The following RASGRF2 variants were observed in gnomAD, a reference collection of about 807,000 sequenced individuals.
RASGRF2 encodes Ras protein specific guanine nucleotide releasing factor 2, also known as ras-specific guanine nucleotide-releasing factor 2.
A neutral mutation model predicts 151.0 loss-of-function variants in RASGRF2; 76 were observed. The observed-to-expected ratio is 0.50, with a 90% confidence interval of 0.42 to 0.61. The LOEUF is 0.61. Among genes scored for constraint, RASGRF2 ranks in the 20% least tolerant of loss-of-function variants. RASGRF2 has a pLI of 0.00. For synonymous variants in RASGRF2, 504 were observed against 566.5 expected (o/e 0.89, Z 1.57); for missense variants, 1,148 against 1,564.6 (o/e 0.73, Z 4.49).
At chr5:81,010,503 G>T (rs553542705) in intron 1 of RASGRF2, among the ~76,000 whole-genome samples, 40 of 152,324 alleles carry the variant, frequency 2.6e-4, no homozygotes, top group Middle Eastern at 6.8e-3. Flanking sequence ...GAGTTCGAGA[G>T]AAGTTTTGCT....
intron 22 of RASGRF2, among the ~76,000 whole-genome samples, chr5:81,210,960 A>G (rs572079556): frequency 7.2e-5 from 11 of 152,126 alleles, no homozygotes; most frequent in Non-Finnish European, 1.3e-4. Context: ...AGCCTGGGCA[A>G]CATAGTGAGA....
chr5:81,152,070 C>T (rs978142122), intron 17 of RASGRF2, among the ~76,000 whole-genome samples: 5 of 152,156 alleles, frequency 3.3e-5, no homozygotes, highest in African/African-American at 9.6e-5. Context: ...GGCACGATCT[C>T]GGCTCACTGC....
At chr5:81,189,953 C>G (rs940201713) in intron 18 of RASGRF2, among the ~76,000 whole-genome samples, 1 of 152,200 alleles carries the variant, frequency 6.6e-6, no homozygotes, top group Middle Eastern at 3.4e-3. Context: ...ACCTTGTGAT[C>G]CACCCGCCTC....
intron 17 of RASGRF2, among the ~76,000 whole-genome samples, chr5:81,152,071 G>A (rs923925376): frequency 2.0e-5 from 3 of 151,934 alleles, no homozygotes; most frequent in African/African-American, 4.8e-5. Flanking sequence ...GCACGATCTC[G>A]GCTCACTGCA....
intron 17 of RASGRF2, among the ~76,000 whole-genome samples, chr5:81,143,406 C>T (rs1026132972): frequency 1.3e-5 from 2 of 151,994 alleles, no homozygotes; most frequent in South Asian, 2.1e-4. Flanking sequence ...CCTTGGCCTC[C>T]CAAAGTGCTG....
chr5:81,092,685 ACATAAAT>A (rs1383425909), intron 9 of RASGRF2, 109 bp from the exon 10 acceptor site: 2 of 923,600 alleles, frequency 2.2e-6, no homozygotes, highest in East Asian at 4.8e-5. Flanking sequence ...ATGATGTGTC[ACATAAAT>A]CAATCCCTGG....
At chr5:81,195,106 T>C (rs1377766694) in intron 18 of RASGRF2, among the ~76,000 whole-genome samples, 1 of 152,218 alleles carries the variant, frequency 6.6e-6, no homozygotes, top group African/African-American at 2.4e-5. Context: ...ATGGATTCGC[T>C]CTCCTGGCGC....
At chr5:81,197,538 C>A (rs1478510838) in intron 18 of RASGRF2, among the ~76,000 whole-genome samples, 1 of 142,702 alleles carries the variant, frequency 7.0e-6, no homozygotes, top group Non-Finnish European at 1.5e-5. Flanking sequence ...AACTGAGGTA[C>A]AAAAATACTA....
At chr5:81,125,013 G>A (rs1753414041) in intron 16 of RASGRF2, among the ~76,000 whole-genome samples, 1 of 151,882 alleles carries the variant, frequency 6.6e-6, no homozygotes, top group Non-Finnish European at 1.5e-5. Context: ...TCAGCCTCCC[G>A]AGTAGCCAGG....
chr5:81,002,990 A>G (rs1354122987), intron 1 of RASGRF2, among the ~76,000 whole-genome samples: 3 of 152,146 alleles, frequency 2.0e-5, no homozygotes, highest in African/African-American at 7.2e-5. Flanking sequence ...AATTTGGTCA[A>G]AGTAATTAAT....
intron 5 of RASGRF2, among the ~76,000 whole-genome samples, chr5:81,077,079 G>C (rs1751961014): frequency 6.6e-6 from 1 of 152,194 alleles, no homozygotes; most frequent in Non-Finnish European, 1.5e-5. Flanking sequence ...AAAGAAAGTA[G>C]TGCTGGTATG....
intron 17 of RASGRF2, among the ~76,000 whole-genome samples, chr5:81,166,365 T>A (rs12186554): frequency 0.59 from 90,075 of 151,686 alleles, 29,042 homozygotes; most frequent in East Asian, 0.79. Flanking sequence ...TTTTTGTATT[T>A]TTAGTAGAGA....
rs573260729 is a variant in RASGRF2 at position 81,037,145 on chromosome 5, G to A, written c.289-5732G>A. Among the ~76,000 whole-genome samples, 5 of 152,250 alleles carry A rather than the reference G, an allele frequency of 3.3e-5. No individual in the cohort carries two copies. The South Asian group carries it at 1.0e-3, about 32-fold the overall frequency. On this transcript the variant is annotated intron_variant, in intron 1 of 26. Coordinates refer to ENST00000265080, the MANE Select transcript of RASGRF2 (RefSeq NM_006909.3). Reference sequence around the variant, plus strand: ...CTATCATGAGAACAGTATGGGAGAAGCCACCCCCATGATTCAATTATCTCT... The same window carrying A: ...CTATCATGAGAACAGTATGGGAGAAACCACCCCCATGATTCAATTATCTCT...
chr5:81,140,010 G>A (rs1345261362), intron 17 of RASGRF2, among the ~76,000 whole-genome samples: 4 of 151,732 alleles, frequency 2.6e-5, no homozygotes, highest in East Asian at 1.9e-4. Context: ...TTTAGGTTTC[G>A]TAGAGATGAG....
At position 81,212,573 on chromosome 5, in the gene RASGRF2, A is replaced by C. The variant is rs1390703793; in HGVS notation, c.3354+10A>C. 1.9e-6 allele frequency: 3 copies of C among 1,600,638 alleles called. No individual in the cohort carries two copies. The African/African-American group carries it at 4.0e-5, about 21-fold the overall frequency. On this transcript the variant is annotated intron_variant, in intron 23 of 26. Transcript: ENST00000265080. ...CAAGGTCTCTAAGCAGGTGAGCCTC[A>C]GCGTGTGACACAGCCTGCTGCTAAG...
intron 10 of RASGRF2, among the ~76,000 whole-genome samples, chr5:81,093,644 G>A (rs969970349): frequency 1.3e-5 from 2 of 152,114 alleles, no homozygotes; most frequent in Non-Finnish European, 2.9e-5. Context: ...TGAACTCCTG[G>A]CATCAAGTGA....
chr5:81,090,901 T>C (rs896022682), intron 9 of RASGRF2, among the ~76,000 whole-genome samples: 3 of 152,230 alleles, frequency 2.0e-5, no homozygotes, highest in African/African-American at 7.2e-5. Flanking sequence ...TTATAGCCTT[T>C]CTGAAAATGA....
intron 1 of RASGRF2, among the ~76,000 whole-genome samples, chr5:81,032,549 A>G (rs989818756): frequency 1.1e-4 from 16 of 152,212 alleles, no homozygotes; most frequent in Non-Finnish European, 1.8e-4. Flanking sequence ...CAAAAACCAC[A>G]TGATTATCTC....
At chr5:81,192,865 T>A (rs1755180579) in intron 18 of RASGRF2, among the ~76,000 whole-genome samples, 1 of 152,180 alleles carries the variant, frequency 6.6e-6, no homozygotes, top group African/African-American at 2.4e-5. Flanking sequence ...ACACCACAAT[T>A]TAAATTCTTC....
Sources: allele counts gnomAD v4.1 joint callset (sites outside exome capture counted in the v4.1 genomes callset), GRCh38; gene constraint gnomAD v4.1.1; transcripts MANE v1.5; gene names NCBI Gene and HGNC (gene_info 2026-07-23, HGNC 2026-07-21).